NFIB: variants seen among roughly 807,000 people sequenced by gnomAD.
NFIB encodes the protein nuclear factor I B.
A neutral mutation model predicts 61.5 loss-of-function variants in NFIB; 11 were observed. The observed-to-expected ratio is 0.18, with a 90% CI of 0.11 to 0.30. NFIB has a LOEUF of 0.30. Ranked by LOEUF, NFIB falls within the 10% of genes least tolerant of loss-of-function variation. The probability of loss-of-function intolerance (pLI) is 1.00; values close to 1 mark genes in which losing one functional copy is unlikely to be tolerated. For missense variants in NFIB, 471 were observed against 608.9 expected (o/e 0.77, Z 2.38); for synonymous variants, 260 against 216.5 (o/e 1.20, Z -1.76).
the NFIB span, among the ~76,000 whole-genome samples, chr9:14,429,207 G>C: frequency 1.4e-4 from 21 of 152,244 alleles, no homozygotes; most frequent in African/African-American, 5.1e-4. Context: ...AAAGAACATA[G>C]AACAAAGATT....
chr9:14,414,715 C>G, the NFIB span, among the ~76,000 whole-genome samples: 1 of 151,866 alleles, frequency 6.6e-6, no homozygotes, highest in Non-Finnish European at 1.5e-5. Flanking sequence ...TTTGTTGTTA[C>G]ATTTATTATT....
intron 2 of NFIB, among the ~76,000 whole-genome samples, chr9:14,258,211 A>G (rs1412612439): frequency 6.6e-6 from 1 of 152,254 alleles, no homozygotes; most frequent in East Asian, 1.9e-4. Flanking sequence ...CTGATCTAAC[A>G]GAGCAATTTA....
At chr9:14,510,974 T>C in the NFIB span, among the ~76,000 whole-genome samples, 1 of 152,220 alleles carries the variant, frequency 6.6e-6, no homozygotes, top group Non-Finnish European at 1.5e-5. Flanking sequence ...TGATGCTGCT[T>C]CAGTTCCTTG....
chr9:14,112,787 G>A (rs1035769789), intron 10 of NFIB, among the ~76,000 whole-genome samples: 8 of 152,168 alleles, frequency 5.3e-5, no homozygotes, highest in Admixed American at 3.9e-4. Context: ...ATGCTACAGA[G>A]ATGGAAAAGG....
At chr9:14,093,295 C>T (rs563241631) in intron 10 of NFIB, among the ~76,000 whole-genome samples, 18 of 152,042 alleles carry the variant, frequency 1.2e-4, no homozygotes, top group Admixed American at 2.6e-4. Context: ...ATCCAGTATA[C>T]GAATATTTTT....
At chr9:14,491,510 G>T in the NFIB span, among the ~76,000 whole-genome samples, 1 of 152,196 alleles carries the variant, frequency 6.6e-6, no homozygotes, top group Non-Finnish European at 1.5e-5. Context: ...AGAAGATAGG[G>T]CTGAGAGAAA....
chr9:14,085,101 T>C lies in NFIB; in HGVS notation c.*3208A>G. The C allele has an allele frequency of 4.4e-6, 1 of 229,388 alleles. No individual in the cohort carries two copies. The highest frequency in any genetic ancestry group is 8.7e-6 in the Non-Finnish European group (1 of 115,596). The allele number at this position is 229,388 out of a possible 1,614,324, so 14.2% of individuals were successfully genotyped here. On this transcript the variant is annotated 3_prime_UTR_variant, in exon 11 of 11. Coordinates refer to ENST00000380953, the MANE Select transcript of NFIB (RefSeq NM_001190737.2). ...GCTACCAGGGCGAGTATCACAGAAA[T>C]GATTGGACTTACTTTTGAACTTGCA...
intron 3 of NFIB, among the ~76,000 whole-genome samples, chr9:14,162,260 CATT>C (rs1482293483): frequency 6.6e-6 from 1 of 151,006 alleles, no homozygotes; most frequent in Non-Finnish European, 1.5e-5. Context: ...TTTTTTTTCT[CATT>C]ATCTGAAAAA....
chr9:14,228,196 T>G (rs935867014), intron 2 of NFIB, among the ~76,000 whole-genome samples: 5 of 128,296 alleles, frequency 3.9e-5, no homozygotes, highest in African/African-American at 1.4e-4. Flanking sequence ...ACTTTATGAT[T>G]CTTTTTTTTT....
chr9:14,144,639 C>T (rs7042127), intron 6 of NFIB, among the ~76,000 whole-genome samples: 36,941 of 152,032 alleles, frequency 0.24, 5,514 homozygotes, highest in African/African-American at 0.4. Flanking sequence ...CCTTCTCTCA[C>T]AGTGTAGACA....
chr9:14,399,043 G>C (rs79780268), upstream of NFIB: 2,714 of 213,462 alleles, frequency 0.013, 72 homozygotes, highest in African/African-American at 0.057. Flanking sequence ...CATGAATTGA[G>C]ATGTGCTATA....
chr9:14,424,089 C>T, the NFIB span, among the ~76,000 whole-genome samples: 2 of 152,124 alleles, frequency 1.3e-5, no homozygotes, highest in Non-Finnish European at 2.9e-5. Context: ...GTCTCTCCAA[C>T]TGTCTAACCC....
chr9:14,350,396 G>A (rs1181238639), intron 1 of NFIB, among the ~76,000 whole-genome samples: 2 of 151,206 alleles, frequency 1.3e-5, no homozygotes, highest in East Asian at 3.9e-4. Flanking sequence ...TTGGAACTAC[G>A]TTTAGTTTGG....
chr9:14,426,155 T>C, the NFIB span, among the ~76,000 whole-genome samples: 2 of 148,684 alleles, frequency 1.3e-5, no homozygotes, highest in Non-Finnish European at 3.0e-5. Context: ...TCAAGAAGAT[T>C]CTTAAATTTC....
chr9:14,417,608 G>A, the NFIB span, among the ~76,000 whole-genome samples: 1 of 152,112 alleles, frequency 6.6e-6, no homozygotes, highest in Non-Finnish European at 1.5e-5. Context: ...TAAAGATATT[G>A]AAGTTTCTTT....
chr9:14,409,237 T>G, the NFIB span, among the ~76,000 whole-genome samples: 1 of 152,196 alleles, frequency 6.6e-6, no homozygotes, highest in South Asian at 2.1e-4. Flanking sequence ...TCATATAATT[T>G]ATTTAATTAT....
intron 9 of NFIB, 57 bp downstream of exon 9, chr9:14,116,140 GCCTCTGATGGA>G (rs1464906959): frequency 7.2e-7 from 1 of 1,385,848 alleles, no homozygotes; most frequent in South Asian, 1.7e-5. Context: ...ATCCAATGGT[GCCTCTGATGGA>G]CATTTCTCAT....
At chr9:14,355,470 TACA>T (rs1205937240) in intron 1 of NFIB, among the ~76,000 whole-genome samples, 1 of 152,108 alleles carries the variant, frequency 6.6e-6, no homozygotes, top group African/African-American at 2.4e-5. Context: ...AGCAAACCAA[TACA>T]ACAAGATGAT....
intron 9 of NFIB, 31 bp downstream of exon 9, chr9:14,116,173 ATACT>A (rs1324542806): frequency 2.7e-6 from 4 of 1,464,602 alleles, no homozygotes; most frequent in Admixed American, 4.7e-5. Flanking sequence ...TCCTATGGAA[ATACT>A]TACTGGTTGC....
Sources: allele counts gnomAD v4.1 joint callset (sites outside exome capture counted in the v4.1 genomes callset), GRCh38; gene constraint gnomAD v4.1.1; transcripts MANE v1.5; gene names NCBI Gene and HGNC (gene_info 2026-07-23, HGNC 2026-07-21).